PHLPP2: variants seen among roughly 807,000 people sequenced by gnomAD.
PHLPP2 encodes PH domain leucine-rich repeat-containing protein phosphatase 2.
Under a neutral mutation model 124.9 loss-of-function variants are expected in PHLPP2, and 66 were observed. The observed-to-expected ratio is 0.53, with a 90% CI of 0.43 to 0.65. The LOEUF is 0.65. Ranked by LOEUF, PHLPP2 falls within the 30% of genes least tolerant of loss-of-function variation. The pLI, the probability that PHLPP2 is intolerant of heterozygous loss-of-function variation, is 0.00. For synonymous variants in PHLPP2, 681 were observed against 624.7 expected (o/e 1.09, Z -1.34); for missense variants, 1,685 against 1,600.4 (o/e 1.05, Z -0.90).
rs980856671 is a variant in PHLPP2 at position 71,646,153 on chromosome 16, A to G, written c.*2737T>C. The stretch of plus-strand genomic sequence containing the variant: ...AAATTACATTCACCTGGAGACAGAT[A>G]CGGGCTTTCACTGACAGCCTGTTTA... On this transcript the variant is annotated 3_prime_UTR_variant, in exon 19 of 19. Coordinates refer to ENST00000568954, the MANE Select transcript of PHLPP2 (RefSeq NM_015020.3). 1 of 152,648 alleles carries G rather than the reference A, an allele frequency of 6.6e-6. No homozygotes were observed. The highest frequency in any genetic ancestry group is 1.5e-5 in the Non-Finnish European group (1 of 68,044). The allele number at this position is 152,648 out of a possible 1,614,324, so 9.5% of individuals were successfully genotyped here.
In PHLPP2 at chr16:71,699,397, G is replaced by A. The variant is rs183660575; in HGVS notation, c.418+3201C>T. ...TGCCCATGAAGACCCCAGACTCAGCGAGCAGAGAAGAGAAGCAGCTGGACA... is the reference window on the plus strand; with the variant it reads ...TGCCCATGAAGACCCCAGACTCAGCAAGCAGAGAAGAGAAGCAGCTGGACA... On this transcript the variant is annotated intron_variant, in intron 3 of 18. Transcript: ENST00000568954. 5.6e-3 allele frequency among the ~76,000 whole-genome samples: 855 copies of A among 152,194 alleles called. 11 individuals carry two copies. The highest frequency in any genetic ancestry group is 0.05 in the South Asian group (240 of 4,810).
chr16:71,723,828 G>T, intron 1 of PHLPP2: 7 of 1,250,738 alleles, frequency 5.6e-6, no homozygotes, highest in Non-Finnish European at 7.0e-6. Flanking sequence ...GGCTCCGGGG[G>T]CTCCAGCGGG....
chr16:71,702,620 G>T lies in PHLPP2; in HGVS notation c.396C>A (p.Gly132=), dbSNP rs768599919. ...IQEEATNPDL[G]CMIRFYGEKP... is the part of the protein sequence containing the mutation. The stretch of plus-strand genomic sequence containing the variant: ...TACCACCATAAAATCGAATCATACA[G>T]CCGAGGTCAGGATTTGTAGCCTCCT... The change falls in exon 3 of 19, where the codon GGC becomes GGA. Residue 132 remains glycine (G), a synonymous_variant. Coordinates refer to ENST00000568954, the MANE Select transcript of PHLPP2 (RefSeq NM_015020.3). The T allele has an allele frequency of 1.9e-6, 3 of 1,610,690 alleles. No homozygotes were observed. The highest frequency in any genetic ancestry group is 1.7e-6 in the Non-Finnish European group (2 of 1,178,970).
chr16:71,695,150 G>A (rs1435085032), intron 3 of PHLPP2, among the ~76,000 whole-genome samples: 1 of 152,082 alleles, frequency 6.6e-6, no homozygotes, highest in Non-Finnish European at 1.5e-5. Context: ...AAAGGTTATA[G>A]GCAAAGGGGT....
chr16:71,672,277 A>G lies in PHLPP2; in HGVS notation c.1517T>C (p.Phe506Ser), dbSNP rs1330988419. The change falls in exon 10 of 19, where the codon TTC becomes TCC. Residue 506 changes from phenylalanine to serine, a missense_variant. Transcript: ENST00000568954. Reference protein sequence around the residue: ...NVYPVPSLLTFLDLSRNLLEC... With the variant: ...NVYPVPSLLTSLDLSRNLLEC... ...AGACACTCACCGGGAGAGATCCAAG[A>G]AAGTGAGCAGGCTGGGTACTGGATA... The G allele has an allele frequency of 1.9e-6, 3 of 1,613,642 alleles. No homozygotes were observed. The highest frequency in any genetic ancestry group is 1.1e-5 in the South Asian group (1 of 91,052).
At chr16:71,689,808 C>T (rs2045091242) in intron 4 of PHLPP2, among the ~76,000 whole-genome samples, 1 of 152,100 alleles carries the variant, frequency 6.6e-6, no homozygotes, top group South Asian at 2.1e-4. Flanking sequence ...AGCTACCACG[C>T]CCAGCTTATT....
At chr16:71,683,842 G>A (rs1311192386) in intron 5 of PHLPP2, among the ~76,000 whole-genome samples, 3 of 152,018 alleles carry the variant, frequency 2.0e-5, no homozygotes, top group Non-Finnish European at 4.4e-5. Flanking sequence ...CCGGGCTGGA[G>A]TGCAATGGAA....
chr16:71,721,336 G>A (rs1422431222), intron 1 of PHLPP2, among the ~76,000 whole-genome samples: 1 of 152,154 alleles, frequency 6.6e-6, no homozygotes, highest in African/African-American at 2.4e-5. Flanking sequence ...AACGTTTTGG[G>A]CTGGGTGCAG....
chr16:71,703,083 G>C (rs910717263), intron 2 of PHLPP2, among the ~76,000 whole-genome samples: 7 of 152,056 alleles, frequency 4.6e-5, no homozygotes, highest in Non-Finnish European at 7.4e-5. Context: ...ATGACTTCCA[G>C]GTCCATCCAT....
intron 3 of PHLPP2, among the ~76,000 whole-genome samples, chr16:71,695,525 A>G (rs1030778454): frequency 2.6e-5 from 4 of 152,178 alleles, no homozygotes; most frequent in Non-Finnish European, 5.9e-5. Flanking sequence ...CCTGGCCAAC[A>G]TGGTGAAACC....
At chr16:71,662,441 T>C (rs2044800319) in intron 13 of PHLPP2, among the ~76,000 whole-genome samples, 1 of 150,544 alleles carries the variant, frequency 6.6e-6, no homozygotes, top group African/African-American at 2.4e-5. Flanking sequence ...AATAAATAAA[T>C]AAATAAATAA....
chr16:71,650,804 G>A (rs1162667746), intron 18 of PHLPP2, among the ~76,000 whole-genome samples: 1 of 152,212 alleles, frequency 6.6e-6, no homozygotes, highest in Non-Finnish European at 1.5e-5. Context: ...TTATTCGCCA[G>A]AATTTGTCAT....
intron 3 of PHLPP2, among the ~76,000 whole-genome samples, chr16:71,697,941 G>A (rs139683349): frequency 0.012 from 1,834 of 148,518 alleles, 33 homozygotes; most frequent in African/African-American, 0.042. Flanking sequence ...TCTGCCTCCC[G>A]GGTTCACACC....
intron 5 of PHLPP2, among the ~76,000 whole-genome samples, chr16:71,684,007 G>C (rs1321676237): frequency 1.3e-5 from 2 of 151,824 alleles, no homozygotes; most frequent in African/African-American, 4.8e-5. Context: ...GGTCAGGCTG[G>C]TCTGAAACTC....
At chr16:71,656,483 T>G (rs192852911) in intron 16 of PHLPP2, 88 bp downstream of exon 16, 2 of 734,222 alleles carry the variant, frequency 2.7e-6, no homozygotes, top group Non-Finnish European at 4.9e-6. Flanking sequence ...CAGAACAACA[T>G]GGCCTAGCTA....
At chr16:71,661,712 C>T (rs888052569) in intron 13 of PHLPP2, among the ~76,000 whole-genome samples, 1 of 152,128 alleles carries the variant, frequency 6.6e-6, no homozygotes, top group Non-Finnish European at 1.5e-5. Context: ...CAGTGGTTCA[C>T]ACCTATAATC....
At chr16:71,718,206 G>A (rs749510168) in intron 1 of PHLPP2, among the ~76,000 whole-genome samples, 3 of 152,076 alleles carry the variant, frequency 2.0e-5, no homozygotes, top group Non-Finnish European at 2.9e-5. Context: ...TTTTTCTTCT[G>A]TGAGGATTTT....
chr16:71,723,872 G>A, intron 1 of PHLPP2: 2 of 1,162,362 alleles, frequency 1.7e-6, no homozygotes, highest in Admixed American at 4.7e-5. Context: ...CCCCATCGGC[G>A]ACCCAGGATT....
At chr16:71,722,951 T>C (rs1414615879) in intron 1 of PHLPP2, among the ~76,000 whole-genome samples, 2 of 152,190 alleles carry the variant, frequency 1.3e-5, no homozygotes, top group African/African-American at 4.8e-5. Context: ...TCTCATCACC[T>C]TCAAGGTTCC....
Sources: gnomAD v4.1 joint callset for allele counts (sites outside exome capture counted in the v4.1 genomes callset) on GRCh38, gnomAD v4.1.1 for gene constraint, MANE v1.5 for transcripts, NCBI Gene and HGNC (gene_info 2026-07-23, HGNC 2026-07-21) for gene names.